ZDHHC17: variants seen among roughly 807,000 people sequenced by gnomAD.
ZDHHC17 encodes the protein palmitoyltransferase ZDHHC17.
A neutral mutation model predicts 90.3 loss-of-function variants in ZDHHC17; 40 were observed. The ratio of observed to expected loss-of-function variants is 0.44; its 90% CI spans 0.34 to 0.58. ZDHHC17 has a LOEUF of 0.58. ZDHHC17 is among the 20% of genes least tolerant of loss of function. ZDHHC17 has a pLI of 0.01. For missense variants in ZDHHC17, 614 were observed against 780.8 expected, an observed-to-expected ratio of 0.79 and a Z score of 2.55; for synonymous variants, 235 against 252.4, an observed-to-expected ratio of 0.93 and a Z score of 0.65.
intron 7 of ZDHHC17, among the ~76,000 whole-genome samples, chr12:76,819,677 A>C (rs1382178290): frequency 6.6e-6 from 1 of 152,170 alleles, no homozygotes; most frequent in Non-Finnish European, 1.5e-5. Flanking sequence ...TATCAAAACA[A>C]GATAGAACTT....
chr12:76,795,998 C>T (rs1952815261), intron 1 of ZDHHC17, among the ~76,000 whole-genome samples: 1 of 152,112 alleles, frequency 6.6e-6, no homozygotes, highest in Admixed American at 6.5e-5. Flanking sequence ...ATATGCTAAG[C>T]AGAATTTGCT....
chr12:76,822,471 G>A lies in ZDHHC17; in HGVS notation c.837G>A (p.Glu279=). The part of the protein sequence containing the change: ...KNVWMINHLQ[E]ARQAKGYDNP... Reference sequence around the variant, plus strand: ...TGTGGATGATCAACCACTTACAAGAGGCAAGGCAAGCAAAAGGATATGACA... The same window carrying A: ...TGTGGATGATCAACCACTTACAAGAAGCAAGGCAAGCAAAAGGATATGACA... The change falls in exon 8 of 17, where the codon GAG becomes GAA. Residue 279 remains glutamate, a synonymous_variant. Transcript: ENST00000426126. The A allele has an allele frequency of 6.2e-7, 1 of 1,613,366 alleles. No homozygotes were observed. Among genetic ancestry groups the A allele is most frequent in the South Asian group, 1.1e-5 (1 of 91,018 alleles).
intron 1 of ZDHHC17, among the ~76,000 whole-genome samples, chr12:76,783,150 G>A (rs2137726213): frequency 1.3e-5 from 2 of 152,330 alleles, no homozygotes; most frequent in South Asian, 2.1e-4. Context: ...TCCTGCAAGA[G>A]AGAGCCCAAG....
chr12:76,853,677 GAATA>G lies in ZDHHC17; in HGVS notation c.*2697_*2700del, dbSNP rs1306354129. 6.6e-6 allele frequency: 1 copy of G among 152,186 alleles called. No individual in the cohort carries two copies. The highest frequency in any genetic ancestry group is 1.5e-5 in the Non-Finnish European group (1 of 67,880). The allele number at this position is 152,186 out of a possible 1,614,324, so 9.4% of individuals were successfully genotyped here. A position where few individuals can be genotyped will look rare whatever the true frequency, so the allele number is the denominator to read the frequency against. On this transcript the variant is annotated 3_prime_UTR_variant, in exon 17 of 17. Transcript: ENST00000426126. ...TCAAAATTTTGTAAAATATTAATCA[GAATA>G]AATACTGACTCTTAAGTGTGTGCTT...
At chr12:76,798,727 T>A (rs997134333) in intron 2 of ZDHHC17, among the ~76,000 whole-genome samples, 1 of 152,050 alleles carries the variant, frequency 6.6e-6, no homozygotes, top group Admixed American at 6.6e-5. Context: ...AACTTTACAA[T>A]CATGGTGGGA....
intron 1 of ZDHHC17, among the ~76,000 whole-genome samples, chr12:76,775,275 A>T (rs745427028): frequency 6.6e-6 from 1 of 152,186 alleles, no homozygotes; most frequent in Non-Finnish European, 1.5e-5. Context: ...AAACTTGTGG[A>T]ATGTGTGTCA....
intron 1 of ZDHHC17, 190 bp downstream of exon 1, chr12:76,764,519 C>T (rs1196677572): frequency 6.7e-6 from 4 of 599,754 alleles, no homozygotes; most frequent in Non-Finnish European, 8.8e-6. Flanking sequence ...GGGGCGGGCC[C>T]GACCGGGGCG....
chr12:76,811,418 T>C (rs771998692), intron 5 of ZDHHC17, among the ~76,000 whole-genome samples: 7 of 152,152 alleles, frequency 4.6e-5, no homozygotes, highest in Non-Finnish European at 1.0e-4. Context: ...AAAGGTGGTG[T>C]ACATTTTTGA....
intron 1 of ZDHHC17, chr12:76,781,580 C>T: frequency 2.2e-6 from 1 of 455,146 alleles, no homozygotes; most frequent in South Asian, 1.6e-5. Flanking sequence ...CGTTTGCTGT[C>T]TCATGCTGTC....
intron 1 of ZDHHC17, among the ~76,000 whole-genome samples, chr12:76,777,833 G>C (rs988479116): frequency 6.6e-6 from 1 of 152,210 alleles, no homozygotes; most frequent in East Asian, 1.9e-4. Context: ...GTTTGTGCGT[G>C]TGTGTCAGGT....
chr12:76,767,980 G>A lies in ZDHHC17; in HGVS notation c.93+3651G>A, dbSNP rs1952450882. Reference sequence around the variant, plus strand: ...GCTTCTGCAGCTTACTGTTATCATGGTCAAAGTACATTTTTCTCATTTGTA... The same window carrying A: ...GCTTCTGCAGCTTACTGTTATCATGATCAAAGTACATTTTTCTCATTTGTA... On this transcript the variant is annotated intron_variant, in intron 1 of 16. Coordinates refer to ENST00000426126, the MANE Select transcript of ZDHHC17 (RefSeq NM_015336.4). 2.0e-5 allele frequency among the ~76,000 whole-genome samples: 3 copies of A among 151,992 alleles called. 1 individual carries two copies. The South Asian group carries it at 6.2e-4, about 31-fold the overall frequency.
intron 8 of ZDHHC17, among the ~76,000 whole-genome samples, chr12:76,824,009 G>T (rs948262692): frequency 6.6e-6 from 1 of 152,018 alleles, no homozygotes; most frequent in Non-Finnish European, 1.5e-5. Flanking sequence ...AAAAAATCTT[G>T]TGTTACTTTG....
At chr12:76,845,041 TG>T (rs937428717) in intron 12 of ZDHHC17, 62 of 19,524 alleles carry the variant, frequency 3.2e-3, no homozygotes, top group Middle Eastern at 0.053. Context: ...ATGAATTATA[TG>T]GGGTTTTTTT....
At chr12:76,794,189 T>A (rs1952793605) in intron 1 of ZDHHC17, among the ~76,000 whole-genome samples, 1 of 152,120 alleles carries the variant, frequency 6.6e-6, no homozygotes, top group African/African-American at 2.4e-5. Flanking sequence ...CCGGCCAAAT[T>A]ACAGGATTTT....
At position 76,852,847 on chromosome 12, in the gene ZDHHC17, T is replaced by C. The variant is rs994072202; in HGVS notation, c.*1862T>C. 1.3e-5 allele frequency: 2 copies of C among 152,606 alleles called. No individual in the cohort carries two copies. The highest frequency in any genetic ancestry group is 2.9e-5 in the Non-Finnish European group (2 of 68,024). 9.5% of individuals were successfully genotyped at this position (152,606 alleles called of 1,614,324 possible). On this transcript the variant is annotated 3_prime_UTR_variant, in exon 17 of 17. Transcript: ENST00000426126. Reference sequence around the variant, plus strand: ...GCCATTTTGTCATAGAATGTAAAAATTGGTTAACTTTACAAATGTCAGCTA... The same window carrying C: ...GCCATTTTGTCATAGAATGTAAAAACTGGTTAACTTTACAAATGTCAGCTA...
At chr12:76,833,034 A>G (rs1450757419) in intron 10 of ZDHHC17, among the ~76,000 whole-genome samples, 3 of 152,162 alleles carry the variant, frequency 2.0e-5, no homozygotes, top group Non-Finnish European at 4.4e-5. Flanking sequence ...TTGGTTTCCT[A>G]CATAATCTGA....
At chr12:76,786,346 A>G (rs1952686788) in intron 1 of ZDHHC17, among the ~76,000 whole-genome samples, 1 of 151,934 alleles carries the variant, frequency 6.6e-6, no homozygotes, top group Admixed American at 6.6e-5. Flanking sequence ...CAGTGGCACG[A>G]TCTGGGTTGA....
intron 5 of ZDHHC17, among the ~76,000 whole-genome samples, chr12:76,814,559 G>A (rs1414391260): frequency 6.6e-6 from 1 of 151,706 alleles, no homozygotes; most frequent in Non-Finnish European, 1.5e-5. Flanking sequence ...TCAAGAAGTA[G>A]CAATTCAAAC....
At chr12:76,842,295 A>G (rs1178317505) in intron 11 of ZDHHC17, among the ~76,000 whole-genome samples, 189 bp downstream of exon 11, 1 of 152,150 alleles carries the variant, frequency 6.6e-6, no homozygotes, top group African/African-American at 2.4e-5. Context: ...TAACACTTCC[A>G]TGACATTTTA....
Sources: allele counts gnomAD v4.1 joint callset (sites outside exome capture counted in the v4.1 genomes callset), GRCh38; gene constraint gnomAD v4.1.1; transcripts MANE v1.5; gene names NCBI Gene and HGNC (gene_info 2026-07-23, HGNC 2026-07-21).